Variants in UTRN observed in about 807,000 individuals in gnomAD.
UTRN encodes dystrophin-related protein 1.
UTRN carries 283 observed loss-of-function variants against 463.9 expected under a neutral mutation model. The ratio of observed to expected loss-of-function variants is 0.61; its 90% CI spans 0.55 to 0.67. The LOEUF (loss-of-function observed/expected upper bound fraction) is 0.67. UTRN is among the 30% of genes least tolerant of loss of function. The pLI, the probability that UTRN is intolerant of heterozygous loss-of-function variation, is 0.00. For synonymous variants in UTRN, 1,442 were observed against 1,431.5 expected, an observed-to-expected ratio of 1.01 and a Z score of -0.17; for missense variants, 3,922 against 4,084.3, an observed-to-expected ratio of 0.96 and a Z score of 1.08.
intron 3 of UTRN, 50 bp downstream of exon 3, chr6:144,403,234 T>G: frequency 6.5e-7 from 1 of 1,549,308 alleles, no homozygotes; most frequent in East Asian, 2.3e-5. Flanking sequence ...GCATTCTGAT[T>G]GAAGGAGTTT....
chr6:144,362,543 CT>C (rs1172901500), intron 2 of UTRN, among the ~76,000 whole-genome samples: 4 of 152,118 alleles, frequency 2.6e-5, no homozygotes, highest in Non-Finnish European at 4.4e-5. Context: ...TTCACATTTT[CT>C]GTGTGAAAGT....
intron 41 of UTRN, among the ~76,000 whole-genome samples, chr6:144,527,113 C>G (rs1796637765): frequency 6.6e-6 from 1 of 152,098 alleles, no homozygotes; most frequent in Admixed American, 6.5e-5. Flanking sequence ...ATTTATGCTT[C>G]AAGAAGATTC....
rs146342251 is a variant in UTRN at position 144,759,201 on chromosome 6, G to C, written c.8495+1212G>C. ...TACAATGCACTGAGTTGTGAACTGA[G>C]TTGAGAACAAGGTATTAAAGCAATT... On this transcript the variant is annotated intron_variant, in intron 58 of 74. Transcript: ENST00000367545. 3.6e-4 allele frequency among the ~76,000 whole-genome samples: 54 copies of C among 151,346 alleles called. 1 individual carries two copies. In the East Asian group the frequency reaches 0.01, roughly 28 times the overall value.
At chr6:144,618,059 A>C (rs776293922) in intron 51 of UTRN, among the ~76,000 whole-genome samples, 142 of 152,322 alleles carry the variant, frequency 9.3e-4, no homozygotes, top group Non-Finnish European at 1.5e-3. Flanking sequence ...TTAAAAAGAG[A>C]ATACATGTGA....
chr6:144,785,179 G>A (rs1380428443), intron 61 of UTRN, among the ~76,000 whole-genome samples: 3 of 152,158 alleles, frequency 2.0e-5, no homozygotes, highest in African/African-American at 7.2e-5. Flanking sequence ...TGAATCTGAG[G>A]AATGGTACCT....
intron 66 of UTRN, among the ~76,000 whole-genome samples, chr6:144,821,468 A>G (rs4896748): frequency 0.11 from 16,780 of 151,976 alleles, 1,627 homozygotes; most frequent in Admixed American, 0.32. Flanking sequence ...GTTGATTCAG[A>G]TATTTATGCT....
Position 144,482,288 on chromosome 6 carries a change from T to G in UTRN, c.3587T>G (p.Val1196Gly), listed in dbSNP as rs758378599. 3.1e-6 allele frequency: 5 copies of G among 1,609,790 alleles called. No homozygotes were observed. The African/African-American group carries it at 6.7e-5, about 22-fold the overall frequency. The change falls in exon 27 of 75, where the codon GTG (valine) becomes GGG (glycine). Residue 1196 changes from valine to glycine, a missense_variant. This residue lies in a region of UTRN where 2,349 missense variants were observed against 2,303.8 expected (regional missense o/e 1.02). Transcript: ENST00000367545. ...AACATCAAGTTATTAGCTGCCAAGG[T>G]GCCCTCTGGTGGCCAGGAGTTGACG... ...KDNIKLLAAK[V>G]PSGGQELTSE...
At chr6:144,361,935 A>G (rs1420265088) in intron 2 of UTRN, among the ~76,000 whole-genome samples, 4 of 152,074 alleles carry the variant, frequency 2.6e-5, no homozygotes, top group Non-Finnish European at 5.9e-5. Flanking sequence ...AGAGAGACAC[A>G]AGTCAATTCC....
At chr6:144,317,939 T>C (rs1305434809) in intron 2 of UTRN, among the ~76,000 whole-genome samples, 1 of 152,226 alleles carries the variant, frequency 6.6e-6, no homozygotes, top group East Asian at 1.9e-4. Flanking sequence ...TTTCCTTTCC[T>C]GGAAATAGCT....
chr6:144,803,161 CA>C lies in UTRN; in HGVS notation c.9357+15del, dbSNP rs1344325009. ...TATTGTATACCTGTGAGTACTAACC[CA>C]CTGTTTTGTTTTTAATACATTGCCA... On this transcript the variant is annotated intron_variant, in intron 65 of 74. Coordinates refer to ENST00000367545, the MANE Select transcript of UTRN (RefSeq NM_007124.3). 1.4e-6 allele frequency: 2 copies of C among 1,449,614 alleles called. No homozygotes were observed. Among genetic ancestry groups the C allele is most frequent in the Admixed American group, 2.4e-5 (1 of 42,420 alleles). The allele number at this position is 1,449,614 out of a possible 1,614,324, so 89.8% of individuals were successfully genotyped here. A position where few individuals can be genotyped will look rare whatever the true frequency, so the allele number is the denominator to read the frequency against.
At chr6:144,574,289 T>C (rs1253517925) in intron 50 of UTRN, among the ~76,000 whole-genome samples, 2 of 152,176 alleles carry the variant, frequency 1.3e-5, no homozygotes, top group African/African-American at 4.8e-5. Context: ...AGGATGAGGT[T>C]GATGACATTC....
chr6:144,823,251 T>A (rs1779754680), intron 66 of UTRN, among the ~76,000 whole-genome samples: 3 of 152,128 alleles, frequency 2.0e-5, no homozygotes, highest in Non-Finnish European at 4.4e-5. Context: ...TGGACAGATT[T>A]ATGAACTACT....
chr6:144,642,135 G>A (rs557083800), intron 51 of UTRN, among the ~76,000 whole-genome samples: 1 of 152,210 alleles, frequency 6.6e-6, no homozygotes, highest in Non-Finnish European at 1.5e-5. Flanking sequence ...GCAAAAGCGT[G>A]GTCTGAACTT....
intron 65 of UTRN, among the ~76,000 whole-genome samples, chr6:144,807,122 A>T (rs1231111691): frequency 6.6e-6 from 1 of 152,126 alleles, no homozygotes; most frequent in Non-Finnish European, 1.5e-5. Flanking sequence ...CTCAGACTGC[A>T]TCTCCCTTTT....
Position 144,632,849 on chromosome 6 carries a change from G to A in UTRN, c.7480-45557G>A, listed in dbSNP as rs186192239. Among the ~76,000 whole-genome samples the A allele has an allele frequency of 3.3e-3, 505 of 151,794 alleles. 2 individuals carry two copies. Among genetic ancestry groups the A allele is most frequent in the African/African-American group, 0.011 (474 of 41,398 alleles). ...CGATTCTCCTGCCTCATTCTCTCAA[G>A]TAGCTGGGATTATAGGCATGCACCA... On this transcript the variant is annotated intron_variant, in intron 51 of 74. Coordinates refer to ENST00000367545, the MANE Select transcript of UTRN (RefSeq NM_007124.3).
intron 54 of UTRN, among the ~76,000 whole-genome samples, chr6:144,740,843 A>G (rs2128719315): frequency 6.6e-6 from 1 of 152,370 alleles, no homozygotes; most frequent in Non-Finnish European, 1.5e-5. Flanking sequence ...TTTGTTTGAT[A>G]GACATAGCAT....
chr6:144,488,429 T>G (rs1003907674), intron 29 of UTRN, among the ~76,000 whole-genome samples: 18 of 152,174 alleles, frequency 1.2e-4, no homozygotes, highest in African/African-American at 3.6e-4. Context: ...ATGGGAAACC[T>G]TTACATTTTT....
intron 61 of UTRN, among the ~76,000 whole-genome samples, chr6:144,788,662 T>A (rs1029595116): frequency 2.0e-5 from 3 of 151,924 alleles, no homozygotes; most frequent in Non-Finnish European, 2.9e-5. Context: ...CCTCGCAAGT[T>A]CAAGTGATTC....
At chr6:144,523,630 T>G (rs1308389285) in intron 41 of UTRN, among the ~76,000 whole-genome samples, 1 of 152,090 alleles carries the variant, frequency 6.6e-6, no homozygotes, top group Non-Finnish European at 1.5e-5. Flanking sequence ...GTTTAATAAA[T>G]TGTGATGAGT....
Sources: allele counts gnomAD v4.1 joint callset (sites outside exome capture counted in the v4.1 genomes callset), GRCh38; gene constraint gnomAD v4.1.1; regional missense constraint gnomAD v4.1.1; transcripts MANE v1.5; gene names NCBI Gene and HGNC (gene_info 2026-07-23, HGNC 2026-07-21).